CD79A: variants seen among roughly 807,000 people sequenced by gnomAD.
The protein encoded by CD79A is B-cell antigen receptor complex-associated protein alpha chain.
CD79A carries 16 observed loss-of-function variants against 27.4 expected under a neutral mutation model. The ratio of observed to expected loss-of-function variants is 0.58; its 90% CI spans 0.40 to 0.89. The LOEUF (loss-of-function observed/expected upper bound fraction) is 0.89, where lower values mean the gene tolerates loss of function less well. Among genes scored for constraint, CD79A ranks in the 40% least tolerant of loss-of-function variants. The probability of loss-of-function intolerance (pLI) is 0.00; values close to 1 mark genes in which losing one functional copy is unlikely to be tolerated. For missense variants in CD79A, 237 were observed against 299.7 expected (o/e 0.79, Z 1.55); for synonymous variants, 110 against 132.7 (o/e 0.83, Z 1.18).
rs565069569 is a variant in CD79A, at chr19:41,879,166, G to A, written c.256G>A (p.Asp86Asn). 2 of 1,614,030 alleles carry A rather than the reference G, an allele frequency of 1.2e-6. No individual in the cohort carries two copies. Among genetic ancestry groups the A allele is most frequent in the South Asian group, 2.2e-5 (2 of 91,086 alleles). The change falls in exon 2 of 5, where the codon GAC becomes AAC. Residue 86 changes from aspartate to asparagine, a missense_variant. Asp to Asn is a conservative substitution (Grantham distance 23, BLOSUM62 1). Coordinates refer to ENST00000221972, the MANE Select transcript of CD79A (RefSeq NM_001783.4). The surrounding 1 kb of genome is among the most constrained non-coding windows in gnomAD (Gnocchi z 5.1). ...CCCTGAGTTCTTGGGCCCGGGCGAG[G>A]ACCCCAATGGTACGCTGATCATCCA... ...WPPEFLGPGE[D>N]PNGTLIIQNV... is the part of the protein sequence containing the mutation.
chr19:41,880,420 A>G (rs1755400286), intron 3 of CD79A, among the ~76,000 whole-genome samples: 2 of 123,156 alleles, frequency 1.6e-5, no homozygotes, highest in East Asian at 2.7e-4. Context: ...AGAGAGAGAG[A>G]GGGCGAGAGG....
At position 41,877,525 on chromosome 19, in the gene CD79A, A is replaced by T; in HGVS notation, c.79+142A>T. 1.4e-6 allele frequency: 1 copy of T among 719,766 alleles called. No individual in the cohort carries two copies. The highest frequency in any genetic ancestry group is 2.4e-6 in the Non-Finnish European group (1 of 412,906). The allele number at this position is 719,766 out of a possible 1,614,324, so 44.6% of individuals were successfully genotyped here. A position where few individuals can be genotyped will look rare whatever the true frequency, so the allele number is the denominator to read the frequency against. On this transcript the variant is annotated intron_variant, in intron 1 of 4. Coordinates refer to ENST00000221972, the MANE Select transcript of CD79A (RefSeq NM_001783.4). The surrounding 1 kb of genome is among the most constrained non-coding windows in gnomAD (Gnocchi z 4.1). ...GGGACCCAGGGAAGATGCCTATAGA[A>T]ATCGTATCTGTGCCAAGATGGGCCA... is the stretch of plus-strand genomic sequence containing the variant.
Position 41,878,230 on chromosome 19 carries a change from C to T in CD79A, c.80-760C>T, listed in dbSNP as rs546885124. Among the ~76,000 whole-genome samples, 2 of 152,328 alleles carry T rather than the reference C, an allele frequency of 1.3e-5. No individual in the cohort carries two copies. Among genetic ancestry groups the T allele is most frequent in the African/African-American group, 4.8e-5 (2 of 41,560 alleles). ...GCCCAAGGACTGAACTCACCCCTGACCCCTAGGTTGACACATACAACTTAC... is the reference window on the plus strand; with the variant it reads ...GCCCAAGGACTGAACTCACCCCTGATCCCTAGGTTGACACATACAACTTAC... On this transcript the variant is annotated intron_variant, in intron 1 of 4. Coordinates refer to ENST00000221972, the MANE Select transcript of CD79A (RefSeq NM_001783.4). The surrounding 1 kb of genome is among the most constrained non-coding windows in gnomAD (Gnocchi z 4.3).
At position 41,878,665 on chromosome 19, in the gene CD79A, C is replaced by T. The variant is rs79326528; in HGVS notation, c.80-325C>T. ...AGGGCCAGAGTACAAAGTGGGTATG[C>T]GGGAGGGGGGCAAGAGATGGCGCTG... On this transcript the variant is annotated intron_variant, in intron 1 of 4. Coordinates refer to ENST00000221972, the MANE Select transcript of CD79A (RefSeq NM_001783.4). The surrounding 1 kb of genome is among the most constrained non-coding windows in gnomAD (Gnocchi z 4.3). Among the ~76,000 whole-genome samples the T allele has an allele frequency of 0.02, 3,064 of 152,052 alleles. 99 individuals carry two copies. The highest frequency in any genetic ancestry group is 0.07 in the African/African-American group (2,881 of 41,450).
rs782109582 is a variant in CD79A at position 41,877,322 on chromosome 19, A to G, written c.18A>G (p.Gly6=). The G allele has an allele frequency of 1.9e-6, 3 of 1,614,006 alleles. No individual in the cohort carries two copies. In the South Asian group the frequency reaches 3.3e-5, roughly 18 times the overall value. ...GGGAGAAGATGCCTGGGGGTCCAGG[A>G]GTCCTCCAAGCTCTGCCTGCCACCA... The part of the protein sequence containing the change: MPGGP[G]VLQALPATIF... The change falls in exon 1 of 5, where the codon GGA becomes GGG. Residue 6 remains glycine, a synonymous_variant. Transcript: ENST00000221972. This position sits in a 1 kb window ranked among gnomAD's most constrained non-coding sequence, Gnocchi z 4.1.
In CD79A at chr19:41,880,896, T is replaced by C. The variant is rs1555844139; in HGVS notation, c.597T>C (p.Tyr199=). Residue 199 remains tyrosine, a synonymous_variant, in exon 5 of 5, where the codon TAT becomes TAC. Transcript: ENST00000221972. ...EGLNLDDCSM[Y]EDISRGLQGT... ...TGAACCTGGACGACTGCTCCATGTA[T>C]GAGGACATCTCCCGGGGCCTCCAGG... 2.5e-6 allele frequency: 4 copies of C among 1,605,952 alleles called. No homozygotes were observed. The highest frequency in any genetic ancestry group is 1.7e-5 in the Admixed American group (1 of 58,906).
chr19:41,881,230 TC>T lies in CD79A; in HGVS notation c.*253del. 1 of 575,548 alleles carries T rather than the reference TC, an allele frequency of 1.7e-6. No homozygotes were observed. The highest frequency in any genetic ancestry group is 3.1e-6 in the Non-Finnish European group (1 of 319,178). 35.7% of individuals were successfully genotyped at this position (575,548 alleles called of 1,614,324 possible). ...CCTAATCCCCCCGCCCCGCTGCCTT[TC>T]CCAGGCTCCCCTCACCCCAGCGGGT... On this transcript the variant is annotated 3_prime_UTR_variant, in exon 5 of 5. Coordinates refer to ENST00000221972, the MANE Select transcript of CD79A (RefSeq NM_001783.4).
chr19:41,881,216 C>T lies in CD79A; in HGVS notation c.*236C>T, dbSNP rs181106086. Reference sequence around the variant, plus strand: ...GCCCCACCTCCTAACCTAATCCCCCCGCCCCGCTGCCTTTCCCAGGCTCCC... The same window carrying T: ...GCCCCACCTCCTAACCTAATCCCCCTGCCCCGCTGCCTTTCCCAGGCTCCC... On this transcript the variant is annotated 3_prime_UTR_variant, in exon 5 of 5. Transcript: ENST00000221972. 17 of 587,930 alleles carry T rather than the reference C, an allele frequency of 2.9e-5. No homozygotes were observed. Among genetic ancestry groups the T allele is most frequent in the South Asian group, 2.3e-4 (12 of 51,692 alleles). 36.4% of individuals were successfully genotyped at this position (587,930 alleles called of 1,614,324 possible). A position where few individuals can be genotyped will look rare whatever the true frequency, so the allele number is the denominator to read the frequency against.
Position 41,877,712 on chromosome 19 carries a change from G to A in CD79A, c.79+329G>A, listed in dbSNP as rs993297976. On this transcript the variant is annotated intron_variant, in intron 1 of 4. Coordinates refer to ENST00000221972, the MANE Select transcript of CD79A (RefSeq NM_001783.4). The surrounding 1 kb of genome is among the most constrained non-coding windows in gnomAD (Gnocchi z 4.1). ...GCACCAGGGCTGGGGGCAGGAAGGG[G>A]ACTTAGGGGTAGCAGCATTCAGCGT... is the stretch of plus-strand genomic sequence containing the variant. Among the ~76,000 whole-genome samples the A allele has an allele frequency of 6.6e-6, 1 of 152,172 alleles. No homozygotes were observed. Among genetic ancestry groups the A allele is most frequent in the African/African-American group, 2.4e-5 (1 of 41,430 alleles).
Position 41,878,685 on chromosome 19 carries a change from G to C in CD79A, c.80-305G>C, listed in dbSNP as rs1162517862. On this transcript the variant is annotated intron_variant, in intron 1 of 4. Coordinates refer to ENST00000221972, the MANE Select transcript of CD79A (RefSeq NM_001783.4). This position sits in a 1 kb window ranked among gnomAD's most constrained non-coding sequence, Gnocchi z 4.3. The stretch of plus-strand genomic sequence containing the variant: ...GTATGCGGGAGGGGGGCAAGAGATG[G>C]CGCTGCAGAGGTGAGAAGGGCCTCC... 1.3e-5 allele frequency among the ~76,000 whole-genome samples: 2 copies of C among 152,076 alleles called. No individual in the cohort carries two copies. Among genetic ancestry groups the C allele is most frequent in the African/African-American group, 2.4e-5 (1 of 41,378 alleles).
At position 41,879,385 on chromosome 19, in the gene CD79A, G is replaced by A. The variant is rs782395119; in HGVS notation, c.379+96G>A. 1.2e-4 allele frequency: 161 copies of A among 1,333,142 alleles called. No individual in the cohort carries two copies. The highest frequency in any genetic ancestry group is 1.9e-4 in the Admixed American group (10 of 51,494). The allele number at this position is 1,333,142 out of a possible 1,614,324, so 82.6% of individuals were successfully genotyped here. On this transcript the variant is annotated intron_variant, in intron 2 of 4. Transcript: ENST00000221972. The surrounding 1 kb of genome is among the most constrained non-coding windows in gnomAD (Gnocchi z 5.1). ...GATAGAGCCAGTACCTTCAATGTGGGTTTCAAACCGGCTTGGACAGAGGGA... is the reference window on the plus strand; with the variant it reads ...GATAGAGCCAGTACCTTCAATGTGGATTTCAAACCGGCTTGGACAGAGGGA...
In CD79A at chr19:41,880,730, C is replaced by T; in HGVS notation, c.559C>T (p.Leu187Phe). The T allele has an allele frequency of 7.7e-7, 1 of 1,293,268 alleles. No homozygotes were observed. Among genetic ancestry groups the T allele is most frequent in the Non-Finnish European group, 1.0e-6 (1 of 982,026 alleles). The allele number at this position is 1,293,268 out of a possible 1,614,324, so 80.1% of individuals were successfully genotyped here. Residue 187 changes from leucine to phenylalanine, a missense_variant, in exon 4 of 5, where the codon CTT (leucine) becomes TTT (phenylalanine). Transcript: ENST00000221972. ...DAGDEYEDEN[L>F]YEGLNLDDCS... is the part of the protein sequence containing the mutation. ...CGGGGATGAATATGAAGATGAAAAC[C>T]TTTATGAAGTGAGTGAAGGGTGGGG...
At position 41,879,256 on chromosome 19, in the gene CD79A, C is replaced by T; in HGVS notation, c.346C>T (p.Gln116Ter). 2 of 1,613,390 alleles carry T rather than the reference C, an allele frequency of 1.2e-6. No homozygotes were observed. Among genetic ancestry groups the T allele is most frequent in the Non-Finnish European group, 1.7e-6 (2 of 1,180,002 alleles). Residue 116 changes from glutamine to a stop codon, truncating the protein, a stop_gained, in exon 2 of 5, where the codon CAG becomes TAG. Coordinates refer to ENST00000221972, the MANE Select transcript of CD79A (RefSeq NM_001783.4). LOFTEE classifies it high-confidence loss of function. The surrounding 1 kb of genome is among the most constrained non-coding windows in gnomAD (Gnocchi z 5.1). ...GGTCCAGGAGGGCAACGAGTCATAC[C>T]AGCAGTCCTGCGGCACCTACCTCCG... Reference protein sequence around the residue: ...CRVQEGNESYQQSCGTYLRVR... With the variant: ...CRVQEGNESY
Position 41,881,142 on chromosome 19 carries a change from G to T in CD79A, c.*162G>T. 1.5e-6 allele frequency: 1 copy of T among 681,576 alleles called. No individual in the cohort carries two copies. Among genetic ancestry groups the T allele is most frequent in the Non-Finnish European group, 2.7e-6 (1 of 375,762 alleles). The allele number at this position is 681,576 out of a possible 1,614,324, so 42.2% of individuals were successfully genotyped here. On this transcript the variant is annotated 3_prime_UTR_variant, in exon 5 of 5. Coordinates refer to ENST00000221972, the MANE Select transcript of CD79A (RefSeq NM_001783.4). Reference sequence around the variant, plus strand: ...GTAACCTCACTCTTCTCCAGGCCAGGCCTCCTTGGACTCCCCTGGGGGTGT... The same window carrying T: ...GTAACCTCACTCTTCTCCAGGCCAGTCCTCCTTGGACTCCCCTGGGGGTGT...
At position 41,878,435 on chromosome 19, in the gene CD79A, G is replaced by A. The variant is rs895475980; in HGVS notation, c.80-555G>A. 1.3e-5 allele frequency among the ~76,000 whole-genome samples: 2 copies of A among 152,062 alleles called. No individual in the cohort carries two copies. The highest frequency in any genetic ancestry group is 2.4e-5 in the African/African-American group (1 of 41,416). On this transcript the variant is annotated intron_variant, in intron 1 of 4. Transcript: ENST00000221972. The surrounding 1 kb of genome is among the most constrained non-coding windows in gnomAD (Gnocchi z 4.3). ...CTCAGCCATCCCTCCTGTAAAATGG[G>A]GCTAAGGAGAGAACCTACTTCTAGG...
chr19:41,880,998 G>C lies in CD79A; in HGVS notation c.*18G>C, dbSNP rs369839038. On this transcript the variant is annotated 3_prime_UTR_variant, in exon 5 of 5. Transcript: ENST00000221972. ...AGCCGTGACACCCCTACTCCTGCCA[G>C]GCTGCCCCCGCCTGCTGTGCACCCA... 6.9e-7 allele frequency: 1 copy of C among 1,443,074 alleles called. No individual in the cohort carries two copies. Among genetic ancestry groups the C allele is most frequent in the Non-Finnish European group, 9.5e-7 (1 of 1,052,434 alleles). 89.4% of individuals were successfully genotyped at this position (1,443,074 alleles called of 1,614,324 possible).
rs1213578388 is a variant in CD79A, at chr19:41,879,658, G to GC, written c.498+10dup. On this transcript the variant is annotated splice_donor_region_variant and intron_variant, in intron 3 of 4. Transcript: ENST00000221972. This position sits in a 1 kb window ranked among gnomAD's most constrained non-coding sequence, Gnocchi z 5.1. ...GGGACGCTGCTGCTGTTCAGGGTGA[G>GC]CCCCCTCGGACCTCTGAGTCAGCCG... 6.3e-7 allele frequency: 1 copy of GC among 1,589,186 alleles called. No individual in the cohort carries two copies. The highest frequency in any genetic ancestry group is 1.3e-5 in the African/African-American group (1 of 74,420).
In CD79A at chr19:41,879,366, G is replaced by T; in HGVS notation, c.379+77G>T. ...GGTTTATCTTTGAAGTGGGGATAGA[G>T]CCAGTACCTTCAATGTGGGTTTCAA... On this transcript the variant is annotated intron_variant, in intron 2 of 4. Transcript: ENST00000221972. The surrounding 1 kb of genome is among the most constrained non-coding windows in gnomAD (Gnocchi z 5.1). 7.0e-7 allele frequency: 1 copy of T among 1,423,502 alleles called. No homozygotes were observed. The allele number at this position is 1,423,502 out of a possible 1,614,324, so 88.2% of individuals were successfully genotyped here.
chr19:41,880,646 C>CCGG, intron 3 of CD79A, 24 bp from the exon 4 acceptor site: 2 of 1,069,096 alleles, frequency 1.9e-6, no homozygotes, highest in Non-Finnish European at 2.8e-6. Context: ...CTCACTGAGG[C>CCGG]ACCCACCCCA....
Sources: allele counts gnomAD v4.1 joint callset (sites outside exome capture counted in the v4.1 genomes callset), GRCh38; gene constraint gnomAD v4.1.1; non-coding constraint Gnocchi (gnomAD v3.1); transcripts MANE v1.5; gene names NCBI Gene and HGNC (gene_info 2026-07-23, HGNC 2026-07-21).